Variants in ERBB4 observed in about 807,000 individuals in gnomAD.
ERBB4 encodes erb-b2 receptor tyrosine kinase 4.
A neutral mutation model predicts 158.0 loss-of-function variants in ERBB4; 42 were observed. That is an observed-to-expected ratio of 0.27 (90% CI 0.21 to 0.34). ERBB4 has a LOEUF of 0.34. Ranked by LOEUF, ERBB4 falls within the 10% of genes least tolerant of loss-of-function variation. The pLI is 1.00. For synonymous variants in ERBB4, 583 were observed against 558.7 expected (o/e 1.04, Z -0.61); for missense variants, 1,333 against 1,624.1 (o/e 0.82, Z 3.08).
At chr2:211,839,183 AGGAG>A (rs1313095969) in intron 3 of ERBB4, among the ~76,000 whole-genome samples, 35 of 107,504 alleles carry the variant, frequency 3.3e-4, no homozygotes, top group Non-Finnish European at 6.3e-4. Flanking sequence ...GAGGAGGAGG[AGGAG>A]GAGGAGGGAA....
At chr2:211,431,958 T>G (rs2063755719) in intron 20 of ERBB4, among the ~76,000 whole-genome samples, 1 of 152,146 alleles carries the variant, frequency 6.6e-6, no homozygotes, top group Non-Finnish European at 1.5e-5. Context: ...ATTACTTTAT[T>G]AATTGTACTT....
intron 1 of ERBB4, among the ~76,000 whole-genome samples, chr2:212,250,002 T>A (rs1016561791): frequency 2.6e-5 from 4 of 152,020 alleles, no homozygotes; most frequent in Non-Finnish European, 4.4e-5. Flanking sequence ...CGTGTATATG[T>A]ATTGCAAGAT....
intron 4 of ERBB4, among the ~76,000 whole-genome samples, chr2:211,771,946 G>A (rs1029864050): frequency 1.3e-5 from 2 of 152,086 alleles, no homozygotes; most frequent in East Asian, 3.9e-4. Flanking sequence ...AGAATTTTGA[G>A]AGCTTTTCAT....
At chr2:212,440,290 C>T (rs528311557) in intron 1 of ERBB4, among the ~76,000 whole-genome samples, 3 of 152,284 alleles carry the variant, frequency 2.0e-5, no homozygotes, top group South Asian at 2.1e-4. Context: ...CAGCTGCCAG[C>T]AAATACAAAG....
intron 1 of ERBB4, among the ~76,000 whole-genome samples, chr2:212,519,712 A>G (rs1692044215): frequency 6.6e-6 from 1 of 151,980 alleles, no homozygotes; most frequent in Non-Finnish European, 1.5e-5. Flanking sequence ...AAGGAGCTAA[A>G]AAAATGAGCT....
At chr2:211,405,934 C>T (rs904708326) in intron 25 of ERBB4, among the ~76,000 whole-genome samples, 5 of 152,144 alleles carry the variant, frequency 3.3e-5, no homozygotes, top group African/African-American at 1.2e-4. Flanking sequence ...GACTTCTCTC[C>T]TTCCCACTCT....
rs75037415 is a variant in ERBB4, at chr2:211,437,743, G to C, written c.2488-6643C>G. On this transcript the variant is annotated intron_variant, in intron 20 of 27. Coordinates refer to ENST00000342788, the MANE Select transcript of ERBB4 (RefSeq NM_005235.3). ...CAGCATTAATCTCTAGAGTTAGCAA[G>C]AGAGCATTTTTTTTTTCTGTTTTCA... is the stretch of plus-strand genomic sequence containing the variant. Among the ~76,000 whole-genome samples, 40 of 139,132 alleles carry C rather than the reference G, an allele frequency of 2.9e-4. No individual in the cohort carries two copies. The East Asian group carries it at 7.9e-3, about 28-fold the overall frequency. 91.3% of individuals were successfully genotyped at this position (139,132 alleles called of 152,430 possible).
intron 1 of ERBB4, among the ~76,000 whole-genome samples, chr2:212,481,427 T>C (rs920101798): frequency 2.0e-5 from 3 of 152,164 alleles, no homozygotes; most frequent in Non-Finnish European, 4.4e-5. Flanking sequence ...AGAGGGGTAC[T>C]TTTTAATCCT....
intron 19 of ERBB4, among the ~76,000 whole-genome samples, chr2:211,606,029 A>T (rs982053531): frequency 6.6e-6 from 1 of 152,212 alleles, no homozygotes; most frequent in Non-Finnish European, 1.5e-5. Flanking sequence ...ACTTTTAAAA[A>T]TTTTACTGAA....
At chr2:212,281,127 G>T (rs1421804964) in intron 1 of ERBB4, among the ~76,000 whole-genome samples, 1 of 151,072 alleles carries the variant, frequency 6.6e-6, no homozygotes, top group Non-Finnish European at 1.5e-5. Context: ...AAACATATTT[G>T]CAATTTAAGA....
chr2:212,246,957 A>G (rs985982238), intron 1 of ERBB4, among the ~76,000 whole-genome samples: 2 of 152,192 alleles, frequency 1.3e-5, no homozygotes, highest in African/African-American at 4.8e-5. Flanking sequence ...AGAAACCTAT[A>G]GGATTAGATG....
intron 2 of ERBB4, among the ~76,000 whole-genome samples, chr2:211,987,341 A>AAAAAAAAG (rs1215048952): frequency 0.38 from 46,723 of 123,950 alleles, 11,494 homozygotes; most frequent in Non-Finnish European, 0.52. Context: ...AAAAAAAAAA[A>AAAAAAAAG]AAAGAAAGAA....
intron 3 of ERBB4, among the ~76,000 whole-genome samples, chr2:211,847,744 C>T (rs926214141): frequency 6.6e-6 from 1 of 152,070 alleles, no homozygotes; most frequent in Non-Finnish European, 1.5e-5. Flanking sequence ...AGATTGTACA[C>T]CCGGCTACAG....
At position 211,745,715 on chromosome 2, in the gene ERBB4, G is replaced by GAAAAA. The variant is rs776012647; in HGVS notation, c.622+4919_622+4923dup. Among the ~76,000 whole-genome samples the GAAAAA allele has an allele frequency of 3.8e-3, 359 of 94,350 alleles. 12 individuals carry two copies. Among genetic ancestry groups the GAAAAA allele is most frequent in the African/African-American group, 9.5e-3 (284 of 29,966 alleles). The allele number at this position is 94,350 out of a possible 152,430, so 61.9% of individuals were successfully genotyped here. A position where few individuals can be genotyped will look rare whatever the true frequency, so the allele number is the denominator to read the frequency against. ...TTGTGCCCCCCACCCTCCACCGCCA[G>GAAAAA]AAAAAAAACAAAAACAAAACAAAAA... On this transcript the variant is annotated intron_variant, in intron 5 of 27. Coordinates refer to ENST00000342788, the MANE Select transcript of ERBB4 (RefSeq NM_005235.3).
At chr2:211,512,673 T>C (rs1444481960) in intron 20 of ERBB4, among the ~76,000 whole-genome samples, 1 of 152,172 alleles carries the variant, frequency 6.6e-6, no homozygotes, top group Non-Finnish European at 1.5e-5. Flanking sequence ...TTCATTTCTA[T>C]GTCTTTAAAT....
At chr2:212,393,616 A>G (rs1287488581) in intron 1 of ERBB4, among the ~76,000 whole-genome samples, 3 of 152,060 alleles carry the variant, frequency 2.0e-5, no homozygotes, top group African/African-American at 7.2e-5. Context: ...ATACATATGT[A>G]TATATTATGA....
chr2:211,741,811 T>C (rs1271708296), intron 5 of ERBB4, among the ~76,000 whole-genome samples: 1 of 152,204 alleles, frequency 6.6e-6, no homozygotes, highest in Non-Finnish European at 1.5e-5. Context: ...ATGAAACAAC[T>C]TGTTCTTTTA....
chr2:212,224,302 G>A lies in ERBB4; in HGVS notation c.83-99399C>T, dbSNP rs112996646. ...TCAAGTCAAGCAAAGTCAGCGTACT[G>A]TGACTTTATATTTACTATCCTGTAG... On this transcript the variant is annotated intron_variant, in intron 1 of 27. Transcript: ENST00000342788. Among the ~76,000 whole-genome samples, 731 of 152,016 alleles carry A rather than the reference G, an allele frequency of 4.8e-3. 7 individuals are homozygous for A. The highest frequency in any genetic ancestry group is 0.017 in the Middle Eastern group (5 of 294).
intron 2 of ERBB4, among the ~76,000 whole-genome samples, chr2:212,025,558 G>A (rs753089254): frequency 3.3e-5 from 5 of 151,734 alleles, no homozygotes; most frequent in Non-Finnish European, 5.9e-5. Flanking sequence ...GTTCATTTGA[G>A]CCTGTAAGAT....
Sources: allele counts gnomAD v4.1 joint callset (sites outside exome capture counted in the v4.1 genomes callset), GRCh38; gene constraint gnomAD v4.1.1; transcripts MANE v1.5; gene names NCBI Gene and HGNC (gene_info 2026-07-23, HGNC 2026-07-21).